CCNDBP1: variants seen among roughly 807,000 people sequenced by gnomAD.
CCNDBP1 encodes cyclin-D1-binding protein 1.
A neutral mutation model predicts 46.2 loss-of-function variants in CCNDBP1; 45 were observed. That is an observed-to-expected ratio of 0.97 (90% confidence interval 0.77 to 1.25). The LOEUF (loss-of-function observed/expected upper bound fraction) is 1.25. Among genes scored for constraint, CCNDBP1 ranks in the 50% most tolerant of loss-of-function variants. The pLI, the probability that CCNDBP1 is intolerant of heterozygous loss-of-function variation, is 0.00. For synonymous variants in CCNDBP1, 154 were observed against 163.6 expected (o/e 0.94, Z 0.45); for missense variants, 436 against 442.1 (o/e 0.99, Z 0.12).
rs764432511 is a variant in CCNDBP1 at position 43,194,760 on chromosome 15, T to C, written c.1002T>C (p.Ser334=). Residue 334 remains serine (S), a synonymous_variant, in exon 11 of 11, where the codon AGT becomes AGC. Coordinates refer to ENST00000300213, the MANE Select transcript of CCNDBP1 (RefSeq NM_012142.5). Reference sequence around the variant, plus strand: ...ATGTGACCCCTCAGCCAGAAGATAGTTGGATCCCTTTACTTATTAATGCCA... The same window carrying C: ...ATGTGACCCCTCAGCCAGAAGATAGCTGGATCCCTTTACTTATTAATGCCA... ...ASHVTPQPED[S]WIPLLINAID... 3 of 1,613,610 alleles carry C rather than the reference T, an allele frequency of 1.9e-6. No individual in the cohort carries two copies. The highest frequency in any genetic ancestry group is 1.3e-5 in the African/African-American group (1 of 75,042).
chr15:43,195,141 G>C lies in CCNDBP1; in HGVS notation c.*300G>C, dbSNP rs1188663798. 2 of 233,872 alleles carry C rather than the reference G, an allele frequency of 8.6e-6. No individual in the cohort carries two copies. The highest frequency in any genetic ancestry group is 1.2e-4 in the South Asian group (1 of 8,356). 14.5% of individuals were successfully genotyped at this position (233,872 alleles called of 1,614,324 possible). On this transcript the variant is annotated 3_prime_UTR_variant, in exon 11 of 11. Transcript: ENST00000300213. ...TTCTCTTTTTGCAGTAAAGTATGTT[G>C]TTTTCATTGTAAAGATGTTGATGGT...
chr15:43,186,877 T>C (rs1337277804), intron 3 of CCNDBP1, among the ~76,000 whole-genome samples: 3 of 152,230 alleles, frequency 2.0e-5, no homozygotes, highest in African/African-American at 7.2e-5. Flanking sequence ...ACATAAACAC[T>C]GTTCTGGACC....
intron 8 of CCNDBP1, 39 bp downstream of exon 8, chr15:43,191,714 G>A (rs959603876): frequency 8.3e-6 from 13 of 1,570,032 alleles, no homozygotes; most frequent in African/African-American, 1.4e-5. Context: ...GAGCAGCAGC[G>A]TTCTGATTTC....
At chr15:43,192,967 T>A (rs991498493) in intron 9 of CCNDBP1, 164 bp downstream of exon 9, 137 of 627,970 alleles carry the variant, frequency 2.2e-4, no homozygotes, top group Non-Finnish European at 1.3e-4. Flanking sequence ...TGATAAATAT[T>A]CACTGAAGTT....
intron 9 of CCNDBP1, 190 bp downstream of exon 9, chr15:43,192,993 T>A: frequency 1.7e-6 from 1 of 590,550 alleles, no homozygotes; most frequent in Non-Finnish European, 3.0e-6. Context: ...ATAATAGCCA[T>A]GAGCTTTGGT....
rs2041974847 is a variant in CCNDBP1 at position 43,192,740 on chromosome 15, T to G, written c.861-3T>G. ...AATGATTACTTTTGTTTTCTGCTCT[T>G]AGTGTGGATGATTTGGCTCTGAGCA... On this transcript the variant is annotated splice_region_variant and splice_polypyrimidine_tract_variant and intron_variant, in intron 8 of 10. Transcript: ENST00000300213. 6.2e-7 allele frequency: 1 copy of G among 1,614,076 alleles called. No homozygotes were observed. Among genetic ancestry groups the G allele is most frequent in the East Asian group, 2.2e-5 (1 of 44,886 alleles).
chr15:43,189,095 A>G (rs1321870970), intron 3 of CCNDBP1, 104 bp from the exon 4 acceptor site: 4 of 475,800 alleles, frequency 8.4e-6, no homozygotes, highest in African/African-American at 6.3e-5. Context: ...AAAAAAAAAA[A>G]AAAAAAAAAG....
intron 9 of CCNDBP1, chr15:43,193,967 G>T (rs1324246957): frequency 3.4e-6 from 1 of 293,680 alleles, no homozygotes; most frequent in African/African-American, 2.4e-5. Context: ...TACTGCATAT[G>T]CATCTTATAT....
chr15:43,185,946 C>T, intron 2 of CCNDBP1, 67 bp downstream of exon 2: 2 of 1,483,190 alleles, frequency 1.3e-6, no homozygotes, highest in Non-Finnish European at 1.9e-6. Flanking sequence ...CTTTTCCTCC[C>T]GCTGTCCCCC....
intron 2 of CCNDBP1, 103 bp from the exon 3 acceptor site, chr15:43,186,051 A>G (rs2041822255): frequency 3.2e-6 from 4 of 1,264,672 alleles, no homozygotes; most frequent in Non-Finnish European, 4.6e-6. Context: ...TAACCTCGAC[A>G]TTCGGGAAGT....
At position 43,189,210 on chromosome 15, in the gene CCNDBP1, G is replaced by T. The variant is rs115357955; in HGVS notation, c.261G>T (p.Lys87Asn). The change falls in exon 4 of 11, where the codon AAG becomes AAT. Residue 87 changes from lysine to asparagine, a missense_variant. Physicochemically the swap from Lys to Asn is moderately conservative, Grantham distance 94. Transcript: ENST00000300213. ...LPLPSPQETQ[K>N]FCEQVHAAIK... The stretch of plus-strand genomic sequence containing the variant: ...TTCCTTTTTCATAGGAAACCCAGAA[G>T]TTCTGTGAACAAGTCCATGCTGCCA... 6.2e-7 allele frequency: 1 copy of T among 1,609,730 alleles called. No homozygotes were observed. Among genetic ancestry groups the T allele is most frequent in the Non-Finnish European group, 8.5e-7 (1 of 1,177,512 alleles).
rs1325034703 is a variant in CCNDBP1 at position 43,191,445 on chromosome 15, G to A, written c.630G>A (p.Glu210=). ...PYSGLLNDTE[E]NNSDNHNHED... ...CTGGCCTCTTGAATGATACTGAGGA[G>A]AACAACTCTGACAACCACAATCATG... The change falls in exon 8 of 11, where the codon GAG becomes GAA. Residue 210 remains glutamate, a synonymous_variant. Transcript: ENST00000300213. 1 of 1,589,182 alleles carries A rather than the reference G, an allele frequency of 6.3e-7. No homozygotes were observed. Among genetic ancestry groups the A allele is most frequent in the Non-Finnish European group, 8.6e-7 (1 of 1,167,538 alleles).
intron 6 of CCNDBP1, among the ~76,000 whole-genome samples, chr15:43,190,748 A>G (rs961527666): frequency 2.0e-5 from 3 of 152,216 alleles, no homozygotes; most frequent in Admixed American, 2.0e-4. Flanking sequence ...GATAAACATC[A>G]TGTGACCATT....
chr15:43,186,975 G>T (rs1268335554), intron 3 of CCNDBP1, among the ~76,000 whole-genome samples: 1 of 152,174 alleles, frequency 6.6e-6, no homozygotes, highest in African/African-American at 2.4e-5. Flanking sequence ...ATTCCCGGAA[G>T]TAGAATTGCT....
At position 43,194,750 on chromosome 15, in the gene CCNDBP1, C is replaced by T; in HGVS notation, c.992C>T (p.Pro331Leu). ...AGAGCAAGTCATGTGACCCCTCAGC[C>T]AGAAGATAGTTGGATCCCTTTACTT... ...ITKASHVTPQ[P>L]EDSWIPLLIN... Residue 331 changes from proline (P) to leucine (L), a missense_variant, in exon 11 of 11, where the codon CCA becomes CTA. Physicochemically the swap from Pro to Leu is moderately conservative, Grantham distance 98. Transcript: ENST00000300213. 1 of 1,612,916 alleles carries T rather than the reference C, an allele frequency of 6.2e-7. No homozygotes were observed. Among genetic ancestry groups the T allele is most frequent in the East Asian group, 2.2e-5 (1 of 44,870 alleles).
chr15:43,194,548 AGG>A, intron 10 of CCNDBP1, 87 bp downstream of exon 10: 1 of 1,144,786 alleles, frequency 8.7e-7, no homozygotes, highest in Non-Finnish European at 1.3e-6. Context: ...TCCCATTTCA[AGG>A]AGTGGGAAAG....
At chr15:43,188,962 C>G in intron 3 of CCNDBP1, 1 of 315,212 alleles carries the variant, frequency 3.2e-6, no homozygotes, top group Non-Finnish European at 5.8e-6. Flanking sequence ...CCTGTAATCC[C>G]AGCTACTTGG....
rs1186766940 is a variant in CCNDBP1 at position 43,185,963 on chromosome 15, G to C, written c.169+84G>C. ...TTTCCTCCCGCTGTCCCCCACGGAG[G>C]GGACTGCTCTCCCCCGCTGCATCCT... On this transcript the variant is annotated intron_variant, in intron 2 of 10. Transcript: ENST00000300213. The C allele has an allele frequency of 3.7e-6, 5 of 1,369,064 alleles. No individual in the cohort carries two copies. In the Admixed American group the frequency reaches 9.4e-5, roughly 26 times the overall value. The allele number at this position is 1,369,064 out of a possible 1,614,324, so 84.8% of individuals were successfully genotyped here.
At position 43,191,651 on chromosome 15, in the gene CCNDBP1, A is replaced by C. The variant is rs1461679231; in HGVS notation, c.836A>C (p.Asp279Ala). The change falls in exon 8 of 11, where the codon GAT becomes GCT. Residue 279 changes from aspartate to alanine, a missense_variant. Coordinates refer to ENST00000300213, the MANE Select transcript of CCNDBP1 (RefSeq NM_012142.5). ...DQVAQLDDIV[D>A]ISDEISPSVD... is the part of the protein sequence containing the mutation. ...GTGGCACAGCTGGATGACATTGTGG[A>C]TATTTCTGATGAAATCAGCCCTAGG... 5 of 1,607,730 alleles carry C rather than the reference A, an allele frequency of 3.1e-6. No individual in the cohort carries two copies. The highest frequency in any genetic ancestry group is 8.5e-7 in the Non-Finnish European group (1 of 1,179,978).
Sources: gnomAD v4.1 joint callset for allele counts (sites outside exome capture counted in the v4.1 genomes callset) on GRCh38, gnomAD v4.1.1 for gene constraint, MANE v1.5 for transcripts, NCBI Gene and HGNC (gene_info 2026-07-23, HGNC 2026-07-21) for gene names.